The following CNTNAP5 variants were observed in gnomAD, a reference collection of about 807,000 sequenced individuals.
The protein encoded by CNTNAP5 is contactin associated protein family member 5, also known as contactin-associated protein-like 5.
A neutral mutation model predicts 150.2 loss-of-function variants in CNTNAP5; 72 were observed. That is an observed-to-expected ratio of 0.48 (90% CI 0.40 to 0.58). CNTNAP5 has a LOEUF of 0.58. Among genes scored for constraint, CNTNAP5 ranks in the 20% least tolerant of loss-of-function variants. CNTNAP5 has a pLI of 0.00. For missense variants in CNTNAP5, 1,636 were observed against 1,626.2 expected (o/e 1.01, Z -0.10); for synonymous variants, 672 against 619.8 (o/e 1.08, Z -1.25).
Position 124,237,838 on chromosome 2 carries a change from A to G in CNTNAP5, c.188-4362A>G, listed in dbSNP as rs188374750. On this transcript the variant is annotated intron_variant, in intron 2 of 23. Coordinates refer to ENST00000682447, the MANE Select transcript of CNTNAP5 (RefSeq NM_001367498.1). ...GGCGACAGAGCAAGACTCTGTCTCA[A>G]AAGAAAAAACAACAACAGCAACAAC... Among the ~76,000 whole-genome samples the G allele has an allele frequency of 3.8e-3, 582 of 152,270 alleles. 5 individuals are homozygous for G. Among genetic ancestry groups the G allele is most frequent in the African/African-American group, 0.014 (562 of 41,550 alleles).
chr2:124,347,518 T>C (rs1157388955), intron 3 of CNTNAP5, among the ~76,000 whole-genome samples: 2 of 152,124 alleles, frequency 1.3e-5, no homozygotes, highest in Non-Finnish European at 2.9e-5. Flanking sequence ...GCTGGGAAAC[T>C]GCTCCACATG....
Position 124,563,318 on chromosome 2 carries a change from A to G in CNTNAP5, c.1751A>G (p.His584Arg). 1.3e-6 allele frequency: 2 copies of G among 1,554,386 alleles called. No individual in the cohort carries two copies. Among genetic ancestry groups the G allele is most frequent in the Non-Finnish European group, 8.7e-7 (1 of 1,145,154 alleles). The stretch of plus-strand genomic sequence containing the variant: ...ACAAGTTACACTGGTGCCACCTGCC[A>G]CAACTGTGAGTAGATTGATCATTTG... Reference protein sequence around the residue: ...SDTSYTGATCHNSIYEQSCEV... With the variant: ...SDTSYTGATCRNSIYEQSCEV... The change falls in exon 11 of 24, where the codon CAC (histidine) becomes CGC (arginine). Residue 584 changes from histidine to arginine, a missense_variant. Transcript: ENST00000682447.
chr2:124,363,815 A>C (rs2104718626), intron 3 of CNTNAP5, among the ~76,000 whole-genome samples: 1 of 152,346 alleles, frequency 6.6e-6, no homozygotes, highest in African/African-American at 2.4e-5. Flanking sequence ...GTCCAAACTC[A>C]TTAAACTGTA....
At chr2:124,175,643 C>A (rs2104671165) in intron 1 of CNTNAP5, among the ~76,000 whole-genome samples, 1 of 152,168 alleles carries the variant, frequency 6.6e-6, no homozygotes, top group Middle Eastern at 3.4e-3. Flanking sequence ...GACACCACAC[C>A]CAATGTTTAG....
chr2:124,830,363 G>A (rs1682687387), intron 19 of CNTNAP5, among the ~76,000 whole-genome samples: 1 of 151,948 alleles, frequency 6.6e-6, no homozygotes. Context: ...AGACAACACA[G>A]GAATTATCTT....
At chr2:124,525,749 C>A (rs1182077296) in intron 9 of CNTNAP5, among the ~76,000 whole-genome samples, 6 of 152,186 alleles carry the variant, frequency 3.9e-5, no homozygotes, top group African/African-American at 1.4e-4. Context: ...CACGTCCAGT[C>A]TCTGCAAAAG....
rs148475669 is a variant in CNTNAP5 at position 124,256,390 on chromosome 2, A to AT, written c.381+14007dup. On this transcript the variant is annotated intron_variant, in intron 3 of 23. Transcript: ENST00000682447. ...AGTGTAAATTCAGGAGAGGGCTGGCATTTTTTTTTTAAGTTTAAAGTTTAA... is the reference window on the plus strand; with the variant it reads ...AGTGTAAATTCAGGAGAGGGCTGGCATTTTTTTTTTTAAGTTTAAAGTTTAA... Among the ~76,000 whole-genome samples, 251 of 149,844 alleles carry AT rather than the reference A, an allele frequency of 1.7e-3. 1 individual carries two copies. The highest frequency in any genetic ancestry group is 5.1e-3 in the African/African-American group (209 of 40,936).
At chr2:124,498,049 G>A (rs556320605) in intron 7 of CNTNAP5, among the ~76,000 whole-genome samples, 1 of 152,284 alleles carries the variant, frequency 6.6e-6, no homozygotes, top group South Asian at 2.1e-4. Context: ...CACTATTACT[G>A]CAATATCTCC....
intron 11 of CNTNAP5, among the ~76,000 whole-genome samples, chr2:124,606,614 AAG>A (rs1396870720): frequency 2.0e-5 from 3 of 152,246 alleles, no homozygotes; most frequent in African/African-American, 7.2e-5. Flanking sequence ...TTACAAAAGA[AAG>A]AGGTTTAATT....
At chr2:124,176,172 A>G (rs1433374549) in intron 1 of CNTNAP5, among the ~76,000 whole-genome samples, 1 of 152,188 alleles carries the variant, frequency 6.6e-6, no homozygotes, top group Admixed American at 6.5e-5. Context: ...TAAAGAAGTG[A>G]TGGCACATGC....
At chr2:124,709,290 T>C (rs544773359) in intron 13 of CNTNAP5, among the ~76,000 whole-genome samples, 3 of 152,046 alleles carry the variant, frequency 2.0e-5, no homozygotes, top group African/African-American at 7.2e-5. Flanking sequence ...AATAAAAATG[T>C]CTATGAGGGC....
chr2:124,676,252 C>A (rs1449965905), intron 13 of CNTNAP5, among the ~76,000 whole-genome samples: 1 of 152,212 alleles, frequency 6.6e-6, no homozygotes, highest in Non-Finnish European at 1.5e-5. Flanking sequence ...GCTTTCACAT[C>A]CTGCTTCTGC....
At chr2:124,788,907 A>G (rs1681658180) in intron 17 of CNTNAP5, among the ~76,000 whole-genome samples, 1 of 152,280 alleles carries the variant, frequency 6.6e-6, no homozygotes, top group Admixed American at 6.5e-5. Context: ...TGCTAGGATT[A>G]CAGGCATGTA....
At chr2:124,658,999 GC>G in intron 13 of CNTNAP5, among the ~76,000 whole-genome samples, 2 of 152,244 alleles carry the variant, frequency 1.3e-5, no homozygotes, top group South Asian at 4.1e-4. Flanking sequence ...TGCATCAGTT[GC>G]TTTGGTTCAA....
chr2:124,500,124 C>T (rs975384218), intron 7 of CNTNAP5, among the ~76,000 whole-genome samples: 6 of 152,132 alleles, frequency 3.9e-5, no homozygotes, highest in African/African-American at 1.4e-4. Context: ...GGATGATACC[C>T]ACCCACATTG....
In CNTNAP5 at chr2:124,529,336, T is replaced by C. The variant is rs189561653; in HGVS notation, c.1649+1880T>C. 1.3e-3 allele frequency among the ~76,000 whole-genome samples: 201 copies of C among 152,332 alleles called. 1 individual carries two copies. The highest frequency in any genetic ancestry group is 4.6e-3 in the African/African-American group (191 of 41,584). ...TTAATCAAGCAAGCTCTCATTATTTTTGATTGCATGAAAGTCATTGCCATG... is the reference window on the plus strand; with the variant it reads ...TTAATCAAGCAAGCTCTCATTATTTCTGATTGCATGAAAGTCATTGCCATG... On this transcript the variant is annotated intron_variant, in intron 10 of 23. Coordinates refer to ENST00000682447, the MANE Select transcript of CNTNAP5 (RefSeq NM_001367498.1).
rs151050802 is a variant in CNTNAP5 at position 124,674,079 on chromosome 2, C to A, written c.2077+26121C>A. On this transcript the variant is annotated intron_variant, in intron 13 of 23. Transcript: ENST00000682447. ...CCAGCAGTGATATATCCTCTTTCAT[C>A]CCTGTTTTAGTGATTTTAGTCTTCT... is the stretch of plus-strand genomic sequence containing the variant. Among the ~76,000 whole-genome samples the A allele has an allele frequency of 1.7e-3, 255 of 152,182 alleles. 1 individual carries two copies. Among genetic ancestry groups the A allele is most frequent in the African/African-American group, 5.9e-3 (245 of 41,550 alleles).
intron 1 of CNTNAP5, among the ~76,000 whole-genome samples, chr2:124,047,303 C>T (rs1036124724): frequency 1.3e-5 from 2 of 152,334 alleles, no homozygotes; most frequent in South Asian, 2.1e-4. Flanking sequence ...GCCTCTAGGA[C>T]TTACAGTCTT....
chr2:124,037,142 C>T (rs1681244496), intron 1 of CNTNAP5, among the ~76,000 whole-genome samples: 1 of 152,152 alleles, frequency 6.6e-6, no homozygotes, highest in South Asian at 2.1e-4. Context: ...TGTAGGTTAG[C>T]TGTTTATAAA....
Sources: allele counts gnomAD v4.1 joint callset (sites outside exome capture counted in the v4.1 genomes callset), GRCh38; gene constraint gnomAD v4.1.1; transcripts MANE v1.5; gene names NCBI Gene and HGNC (gene_info 2026-07-23, HGNC 2026-07-21).